The following ADAM29 variants were observed in gnomAD, a reference collection of about 807,000 sequenced individuals.
ADAM29 encodes the protein ADAM metallopeptidase domain 29, also known as disintegrin and metalloproteinase domain-containing protein 29.
For synonymous variants in ADAM29, 367 were observed against 342.3 expected (o/e 1.07, Z -0.80); for missense variants, 969 against 1,001.8 (o/e 0.97, Z 0.44).
chr4:174,974,324 T>C (rs1746631765), intron 4 of ADAM29, among the ~76,000 whole-genome samples: 2 of 152,226 alleles, frequency 1.3e-5, no homozygotes, highest in Admixed American at 6.5e-5. Context: ...GGGTTAAAGA[T>C]CTGTCTAGCA....
Position 174,976,823 on chromosome 4 carries a change from A to C in ADAM29, c.1298A>C (p.Asp433Ala), listed in dbSNP as rs1395596799. 6.8e-6 allele frequency: 11 copies of C among 1,614,180 alleles called. No individual in the cohort carries two copies. The highest frequency in any genetic ancestry group is 8.5e-6 in the Non-Finnish European group (10 of 1,180,038). The change falls in exon 5 of 5, where the codon GAT (aspartate) becomes GCT (alanine). Residue 433 changes from aspartate to alanine, a missense_variant. By Grantham distance (126) the Asp-to-Ala change is moderately radical (BLOSUM62 -2). Transcript: ENST00000359240. ...TGTCTGTCAAATTGCACTCTGACTG[A>C]TGGTTCTACTTGTGCTTTTGGGCTT... ...PCCLSNCTLTDGSTCAFGLCC... is the reference protein window; with the variant it reads ...PCCLSNCTLTAGSTCAFGLCC...
intron 1 of ADAM29, among the ~76,000 whole-genome samples, chr4:174,919,406 G>A (rs1302381484): frequency 6.6e-6 from 1 of 152,106 alleles, no homozygotes; most frequent in Non-Finnish European, 1.5e-5. Context: ...ACAGAGTTAG[G>A]CGCAAAAAGC....
intron 4 of ADAM29, among the ~76,000 whole-genome samples, chr4:174,945,900 T>C (rs1314008477): frequency 1.3e-5 from 2 of 152,158 alleles, no homozygotes; most frequent in Non-Finnish European, 2.9e-5. Flanking sequence ...TGTAGTCTTG[T>C]AGTATATTTG....
At position 174,934,510 on chromosome 4, in the gene ADAM29, T is replaced by C. The variant is rs187187148; in HGVS notation, c.-261-2423T>C. On this transcript the variant is annotated intron_variant, in intron 3 of 4. Transcript: ENST00000359240. Reference sequence around the variant, plus strand: ...GTTCAAAACACTTGGGTTTTTCTAGTGTCAATTGCAATCATAATCTTAACT... The same window carrying C: ...GTTCAAAACACTTGGGTTTTTCTAGCGTCAATTGCAATCATAATCTTAACT... Among the ~76,000 whole-genome samples the C allele has an allele frequency of 1.1e-3, 167 of 152,310 alleles. 1 individual carries two copies. The highest frequency in any genetic ancestry group is 1.8e-3 in the Non-Finnish European group (124 of 68,026).
At chr4:174,941,611 A>G (rs1158835408) in intron 4 of ADAM29, among the ~76,000 whole-genome samples, 3 of 152,110 alleles carry the variant, frequency 2.0e-5, no homozygotes, top group African/African-American at 7.2e-5. Flanking sequence ...TGGGAACAGC[A>G]TGGGAGAAGT....
At position 174,945,336 on chromosome 4, in the gene ADAM29, T is replaced by C. The variant is rs1478480182; in HGVS notation, c.-181+8323T>C. On this transcript the variant is annotated intron_variant, in intron 4 of 4. Coordinates refer to ENST00000359240, the MANE Select transcript of ADAM29 (RefSeq NM_014269.4). ...CTTATGTCATTTGAACACTTTTAAA[T>C]GGGTTGTTTGTTTTTACTTGCTAAT... 2.6e-5 allele frequency among the ~76,000 whole-genome samples: 4 copies of C among 152,254 alleles called. No individual in the cohort carries two copies. In the South Asian group the frequency reaches 6.2e-4, roughly 24 times the overall value.
At chr4:174,925,539 C>A (rs184126221) in intron 2 of ADAM29, among the ~76,000 whole-genome samples, 201 of 152,256 alleles carry the variant, frequency 1.3e-3, no homozygotes, top group South Asian at 2.7e-3. Flanking sequence ...AAATATCTTA[C>A]AATGTGATAG....
intron 2 of ADAM29, among the ~76,000 whole-genome samples, chr4:174,926,874 C>CTTTCATTAAATAGTTCTATTG (rs1491415440): frequency 1.7e-3 from 254 of 152,194 alleles, no homozygotes; most frequent in African/African-American, 5.8e-3. Context: ...TCTTTATGAA[C>CTTTCATTAAATAGTTCTATTG]TCTCTCTGAC....
At chr4:174,966,055 T>A (rs1746141690) in intron 4 of ADAM29, among the ~76,000 whole-genome samples, 1 of 152,228 alleles carries the variant, frequency 6.6e-6, no homozygotes, top group African/African-American at 2.4e-5. Flanking sequence ...TATTTGCATA[T>A]AACTTGTGCA....
chr4:174,931,816 T>TCACACACA (rs34499872), intron 3 of ADAM29, among the ~76,000 whole-genome samples: 1 of 150,362 alleles, frequency 6.7e-6, no homozygotes, highest in East Asian at 2.0e-4. Context: ...TCTCTCTCTG[T>TCACACACA]CACACACACA....
chr4:174,926,640 C>T (rs1743535144), intron 2 of ADAM29, among the ~76,000 whole-genome samples: 1 of 150,182 alleles, frequency 6.7e-6, no homozygotes. Flanking sequence ...GTGGTGCAAG[C>T]CTATAATCCC....
At position 174,976,894 on chromosome 4, in the gene ADAM29, AAGG is replaced by A. The variant is rs754037730; in HGVS notation, c.1373_1375del (p.Glu458del). 5.6e-6 allele frequency: 9 copies of A among 1,613,974 alleles called. No individual in the cohort carries two copies. In the African/African-American group the frequency reaches 1.1e-4, roughly 19 times the overall value. On this transcript the variant is annotated inframe_deletion, in exon 5 of 5. Transcript: ENST00000359240. ...CCTACCATCAGGGAAAGTGTGTAGA[AAGG>A]AGGTCAATGAATGTGATCTTCCAGA...
At chr4:174,927,612 T>TC (rs1743594146) in intron 2 of ADAM29, among the ~76,000 whole-genome samples, 1 of 152,248 alleles carries the variant, frequency 6.6e-6, no homozygotes, top group African/African-American at 2.4e-5. Context: ...CTTGTTTGCA[T>TC]ACAAATTGTG....
intron 4 of ADAM29, among the ~76,000 whole-genome samples, chr4:174,957,910 G>A (rs867685367): frequency 6.6e-6 from 1 of 151,820 alleles, no homozygotes; most frequent in South Asian, 2.1e-4. Flanking sequence ...CTGATTTTAT[G>A]AGCTTTTGAT....
intron 4 of ADAM29, among the ~76,000 whole-genome samples, chr4:174,968,769 G>T (rs1037611357): frequency 1.1e-5 from 1 of 93,386 alleles, no homozygotes; most frequent in Non-Finnish European, 2.2e-5. Context: ...GCCACTTTCC[G>T]CCCACACACA....
At chr4:174,964,090 T>A (rs939727921) in intron 4 of ADAM29, among the ~76,000 whole-genome samples, 13 of 152,074 alleles carry the variant, frequency 8.5e-5, no homozygotes, top group African/African-American at 3.1e-4. Context: ...TAATAAAATT[T>A]TTTTTCTATA....
chr4:174,936,462 A>T (rs970887031), intron 3 of ADAM29, among the ~76,000 whole-genome samples: 16 of 151,992 alleles, frequency 1.1e-4, no homozygotes, highest in African/African-American at 3.9e-4. Flanking sequence ...CATTTCCTAA[A>T]TTGACTTCCT....
intron 4 of ADAM29, among the ~76,000 whole-genome samples, chr4:174,952,768 G>A (rs1486436251): frequency 6.6e-6 from 1 of 152,140 alleles, no homozygotes; most frequent in Non-Finnish European, 1.5e-5. Context: ...GGAGCAGTGT[G>A]CAAAGACTGT....
At chr4:174,956,478 GT>G (rs1388607354) in intron 4 of ADAM29, among the ~76,000 whole-genome samples, 10 of 125,750 alleles carry the variant, frequency 8.0e-5, no homozygotes, top group Non-Finnish European at 1.7e-4. Context: ...AAAAAAAGGT[GT>G]GTGTGTGTGT....
Sources: allele counts gnomAD v4.1 joint callset (sites outside exome capture counted in the v4.1 genomes callset), GRCh38; gene constraint gnomAD v4.1.1; transcripts MANE v1.5; gene names NCBI Gene and HGNC (gene_info 2026-07-23, HGNC 2026-07-21).